SLC25A25: variants seen among roughly 807,000 people sequenced by gnomAD.
SLC25A25 encodes the protein mitochondrial adenyl nucleotide antiporter SLC25A25.
A neutral mutation model predicts 57.7 loss-of-function variants in SLC25A25; 32 were observed. That is an observed-to-expected ratio of 0.55 (90% CI 0.42 to 0.74). The LOEUF (loss-of-function observed/expected upper bound fraction) is 0.74, where lower values mean the gene tolerates loss of function less well. SLC25A25 is among the 30% of genes least tolerant of loss of function. The pLI is 0.00. For missense variants in SLC25A25, 556 were observed against 701.3 expected (o/e 0.79, Z 2.34); for synonymous variants, 306 against 291.2 (o/e 1.05, Z -0.52).
chr9:128,069,168 A>G (rs1832846677), intron 1 of SLC25A25, among the ~76,000 whole-genome samples: 1 of 152,106 alleles, frequency 6.6e-6, no homozygotes, highest in African/African-American at 2.4e-5. Flanking sequence ...GCGGGGTTGG[A>G]GTGTGGACGG....
chr9:128,088,343 C>T (rs1833323048), intron 1 of SLC25A25, among the ~76,000 whole-genome samples: 2 of 152,194 alleles, frequency 1.3e-5, no homozygotes, highest in Non-Finnish European at 2.9e-5. Context: ...GTTCTTTCCC[C>T]ATGCTCAGGT....
At chr9:128,098,998 G>T in intron 1 of SLC25A25, 1 of 985,430 alleles carries the variant, frequency 1.0e-6, no homozygotes, top group South Asian at 4.7e-5. Flanking sequence ...AATGAGGGGG[G>T]TGTTCCTGAG....
At chr9:128,085,839 TATTTA>T (rs1303827118) in intron 1 of SLC25A25, among the ~76,000 whole-genome samples, 1 of 152,178 alleles carries the variant, frequency 6.6e-6, no homozygotes, top group African/African-American at 2.4e-5. Context: ...ACAGTTGTAT[TATTTA>T]ATTTCCAAAT....
chr9:128,101,024 A>C lies in SLC25A25; in HGVS notation c.262-72A>C. The C allele has an allele frequency of 6.3e-7, 1 of 1,597,844 alleles. No homozygotes were observed. The highest frequency in any genetic ancestry group is 8.5e-7 in the Non-Finnish European group (1 of 1,171,374). ...CAATTAGTGAAGTCATTGCCTGGGGATGGGGCCCCACAAGGGACAAGGAAA... is the reference window on the plus strand; with the variant it reads ...CAATTAGTGAAGTCATTGCCTGGGGCTGGGGCCCCACAAGGGACAAGGAAA... On this transcript the variant is annotated intron_variant, in intron 1 of 10. Coordinates refer to ENST00000373069, the MANE Select transcript of SLC25A25 (RefSeq NM_001330988.2). The surrounding 1 kb of genome is among the most constrained non-coding windows in gnomAD (Gnocchi z 4.9).
chr9:128,083,123 G>T (rs1490572650), intron 1 of SLC25A25, among the ~76,000 whole-genome samples: 1 of 151,954 alleles, frequency 6.6e-6, no homozygotes, highest in Admixed American at 6.5e-5. Context: ...AGCTACTCAG[G>T]AGGCTGAGGC....
At chr9:128,096,244 C>T (rs965328101) in intron 1 of SLC25A25, among the ~76,000 whole-genome samples, 3 of 152,204 alleles carry the variant, frequency 2.0e-5, no homozygotes, top group Non-Finnish European at 4.4e-5. Context: ...CGCAGTGGCT[C>T]ATACCTGTAA....
chr9:128,100,509 G>T (rs759955647), intron 1 of SLC25A25, among the ~76,000 whole-genome samples: 1 of 152,162 alleles, frequency 6.6e-6, no homozygotes, highest in Non-Finnish European at 1.5e-5. Flanking sequence ...CATGCCCTTG[G>T]CTCCTTACAC....
intron 1 of SLC25A25, among the ~76,000 whole-genome samples, chr9:128,075,032 C>T (rs7853352): frequency 0.24 from 36,339 of 152,094 alleles, 5,568 homozygotes; most frequent in African/African-American, 0.43. Flanking sequence ...CCCAGCTACT[C>T]AAGAGGCTGA....
chr9:128,105,613 C>A, intron 6 of SLC25A25, 116 bp from the exon 7 acceptor site: 2 of 1,489,192 alleles, frequency 1.3e-6, no homozygotes, highest in Non-Finnish European at 1.9e-6. Context: ...CTTCAAAATG[C>A]ACGGAAGAAA....
In SLC25A25 at chr9:128,079,613, A is replaced by G. The variant is rs540420728; in HGVS notation, c.261+11033A>G. ...TCTCTACTAAAAATACAAAAAAAAAAAAAAAAAAAAAAAATTAGCCGGGCC... is the reference window on the plus strand; with the variant it reads ...TCTCTACTAAAAATACAAAAAAAAAGAAAAAAAAAAAAAATTAGCCGGGCC... On this transcript the variant is annotated intron_variant, in intron 1 of 10. Coordinates refer to ENST00000373069, the MANE Select transcript of SLC25A25 (RefSeq NM_001330988.2). Among the ~76,000 whole-genome samples the G allele has an allele frequency of 1.2e-3, 186 of 149,676 alleles. 1 individual carries two copies. Among genetic ancestry groups the G allele is most frequent in the African/African-American group, 3.9e-3 (160 of 40,548 alleles).
chr9:128,091,351 G>C, intron 1 of SLC25A25: 1 of 819,628 alleles, frequency 1.2e-6, no homozygotes, highest in South Asian at 5.5e-5. Context: ...TGTGATTGGA[G>C]GGCTGGTGCT....
intron 1 of SLC25A25, chr9:128,098,740 C>T (rs184380314): frequency 1.5e-5 from 24 of 1,612,304 alleles, no homozygotes; most frequent in Middle Eastern, 1.6e-4. Context: ...GTGGGGTGAC[C>T]GCGCGGAAGG....
At chr9:128,074,238 C>G (rs1310442073) in intron 1 of SLC25A25, among the ~76,000 whole-genome samples, 1 of 151,638 alleles carries the variant, frequency 6.6e-6, no homozygotes, top group African/African-American at 2.4e-5. Flanking sequence ...GACAGAGTTT[C>G]ACCATGTTGG....
intron 1 of SLC25A25, among the ~76,000 whole-genome samples, chr9:128,078,881 G>A (rs922121311): frequency 2.6e-5 from 4 of 152,138 alleles, no homozygotes; most frequent in African/African-American, 9.7e-5. Flanking sequence ...CACTTAACTT[G>A]CCTTTAAAAC....
chr9:128,078,399 GGGA>G (rs143431059), intron 1 of SLC25A25, among the ~76,000 whole-genome samples: 105,975 of 151,744 alleles, frequency 0.7, 38,971 homozygotes, highest in East Asian at 0.81. Context: ...GTGGCACCCA[GGGA>G]GACATAGCCC....
Position 128,102,035 on chromosome 9 carries a change from GTGT to G in SLC25A25, c.477-40_477-38del. The stretch of plus-strand genomic sequence containing the variant: ...CTAACATGGCTCCGAGCACTTATGC[GTGT>G]TGTTTCTGCTCTCTCCTCCGCATCC... On this transcript the variant is annotated intron_variant, in intron 3 of 10. Coordinates refer to ENST00000373069, the MANE Select transcript of SLC25A25 (RefSeq NM_001330988.2). This position sits in a 1 kb window ranked among gnomAD's most constrained non-coding sequence, Gnocchi z 4.1. The G allele has an allele frequency of 6.5e-7, 1 of 1,550,110 alleles. No homozygotes were observed.
Position 128,068,249 on chromosome 9 carries a change from C to T in SLC25A25, c.-71C>T. 1.1e-5 allele frequency: 10 copies of T among 912,236 alleles called. No individual in the cohort carries two copies. The highest frequency in any genetic ancestry group is 1.4e-5 in the Non-Finnish European group (10 of 696,784). 56.5% of individuals were successfully genotyped at this position (912,236 alleles called of 1,614,324 possible). On this transcript the variant is annotated 5_prime_UTR_variant, in exon 1 of 11. Transcript: ENST00000373069. ...TCCCAGCTGCAGAGCGCCTGGCTTG[C>T]CTCCCGCGCGGTCACCGCCGGCCCG...
intron 1 of SLC25A25, among the ~76,000 whole-genome samples, chr9:128,072,434 G>A (rs976549520): frequency 8.5e-5 from 13 of 152,308 alleles, no homozygotes; most frequent in South Asian, 2.1e-4. Flanking sequence ...GGGTTTGCAC[G>A]GGAATCAGCT....
At position 128,087,867 on chromosome 9, in the gene SLC25A25, G is replaced by A. The variant is rs903809028; in HGVS notation, c.262-13229G>A. 4.6e-5 allele frequency among the ~76,000 whole-genome samples: 7 copies of A among 152,292 alleles called. No individual in the cohort carries two copies. The South Asian group carries it at 1.0e-3, about 23-fold the overall frequency. ...ATTGTAGTTTTTACCTAGAGTTTGA[G>A]GTGGAGCTTTTTAATCTGCGGAGTC... On this transcript the variant is annotated intron_variant, in intron 1 of 10. Transcript: ENST00000373069.
Sources: allele counts gnomAD v4.1 joint callset (sites outside exome capture counted in the v4.1 genomes callset), GRCh38; gene constraint gnomAD v4.1.1; non-coding constraint Gnocchi (gnomAD v3.1); transcripts MANE v1.5; gene names NCBI Gene and HGNC (gene_info 2026-07-23, HGNC 2026-07-21).